The following MARK3 variants were observed in gnomAD, a reference collection of about 807,000 sequenced individuals.
MARK3 encodes the protein microtubule affinity regulating kinase 3, also known as MAP/microtubule affinity-regulating kinase 3.
A neutral mutation model predicts 90.1 loss-of-function variants in MARK3; 46 were observed. That is an observed-to-expected ratio of 0.51 (90% CI 0.40 to 0.65). The LOEUF is 0.65. Ranked by LOEUF, MARK3 falls within the 30% of genes least tolerant of loss-of-function variation. The pLI is 0.00. For synonymous variants in MARK3, 321 were observed against 332.6 expected, an observed-to-expected ratio of 0.97 and a Z score of 0.38; for missense variants, 818 against 947.2, an observed-to-expected ratio of 0.86 and a Z score of 1.79.
intron 1 of MARK3, among the ~76,000 whole-genome samples, chr14:103,391,771 T>C (rs2090269361): frequency 6.9e-6 from 1 of 145,656 alleles, no homozygotes; most frequent in Non-Finnish European, 1.5e-5. Flanking sequence ...TTGGCCAGGC[T>C]GTTCTCAAAC....
chr14:103,473,413 CTTAAAAG>C (rs2093663438), intron 12 of MARK3, among the ~76,000 whole-genome samples: 2 of 152,294 alleles, frequency 1.3e-5, no homozygotes, highest in Admixed American at 1.3e-4. Flanking sequence ...AATCTCAAAT[CTTAAAAG>C]GTTTTGTATT....
intron 3 of MARK3, among the ~76,000 whole-genome samples, chr14:103,434,586 C>T (rs535445979): frequency 1.3e-5 from 2 of 152,324 alleles, no homozygotes; most frequent in South Asian, 2.1e-4. Context: ...TTGAATGTCT[C>T]TGGTTGTGGC....
In MARK3 at chr14:103,503,030, G is replaced by A. The variant is rs771652517; in HGVS notation, c.2065G>A (p.Asp689Asn). Residue 689 changes from aspartate (D) to asparagine (N), a missense_variant, in exon 18 of 18, where the codon GAC becomes AAC. By Grantham distance (23) the Asp-to-Asn change is conservative (BLOSUM62 1). Coordinates refer to ENST00000429436, the MANE Select transcript of MARK3 (RefSeq NM_001128918.3). ...IRKVLDANNC[D>N]YEQRERFLLF... ...CAAAGTGTTGGACGCCAATAACTGCGACTATGAGCAGAGGGAGCGCTTCTT... is the reference window on the plus strand; with the variant it reads ...CAAAGTGTTGGACGCCAATAACTGCAACTATGAGCAGAGGGAGCGCTTCTT... The A allele has an allele frequency of 4.8e-5, 77 of 1,614,234 alleles. No individual in the cohort carries two copies. In the East Asian group the frequency reaches 8.7e-4, roughly 18 times the overall value.
chr14:103,462,840 A>G (rs1202933420), intron 7 of MARK3, among the ~76,000 whole-genome samples: 2 of 152,106 alleles, frequency 1.3e-5, no homozygotes, highest in Non-Finnish European at 2.9e-5. Context: ...GACCTCTTTC[A>G]AGGTCCTCAG....
chr14:103,439,352 T>C (rs140227607), intron 3 of MARK3, among the ~76,000 whole-genome samples: 1 of 152,334 alleles, frequency 6.6e-6, no homozygotes, highest in East Asian at 1.9e-4. Flanking sequence ...TTACCACATA[T>C]GGATCACTCA....
chr14:103,500,079 T>TACC, intron 16 of MARK3, 77 bp from the exon 17 acceptor site: 5 of 1,088,922 alleles, frequency 4.6e-6, no homozygotes, highest in African/African-American at 1.5e-5. Flanking sequence ...GGTGTTGGTA[T>TACC]TGGTGGTCAT....
At chr14:103,412,238 A>C in intron 2 of MARK3, 1 of 777,112 alleles carries the variant, frequency 1.3e-6, no homozygotes, top group African/African-American at 1.7e-5. Flanking sequence ...GTTATGCACA[A>C]GCTCATCGTC....
intron 7 of MARK3, among the ~76,000 whole-genome samples, chr14:103,463,513 A>G (rs1458735593): frequency 6.6e-6 from 1 of 152,146 alleles, no homozygotes; most frequent in Non-Finnish European, 1.5e-5. Flanking sequence ...TTCACTTCTC[A>G]TTCAGGTGTC....
intron 14 of MARK3, among the ~76,000 whole-genome samples, chr14:103,488,689 T>A (rs2093971484): frequency 6.6e-6 from 1 of 151,982 alleles, no homozygotes; most frequent in Non-Finnish European, 1.5e-5. Flanking sequence ...ACACCATCTC[T>A]ACAAAAAATT....
chr14:103,388,848 T>C (rs370334684), intron 1 of MARK3, among the ~76,000 whole-genome samples: 8 of 152,292 alleles, frequency 5.3e-5, no homozygotes, highest in South Asian at 2.1e-4. Flanking sequence ...GTATCAGTAG[T>C]TCATTCCTTT....
Position 103,494,389 on chromosome 14 carries a change from TAA to T in MARK3, c.1844+2359_1844+2360del, listed in dbSNP as rs111660936. Among the ~76,000 whole-genome samples the T allele has an allele frequency of 1.4e-3, 204 of 150,336 alleles. 1 individual carries two copies. The highest frequency in any genetic ancestry group is 4.8e-3 in the African/African-American group (195 of 40,848). On this transcript the variant is annotated intron_variant, in intron 15 of 17. Coordinates refer to ENST00000429436, the MANE Select transcript of MARK3 (RefSeq NM_001128918.3). ...CAACATGGAGAAACCCAGTCTCTAC[TAA>T]AAATACAAAATTAGCCGGGCATGGT...
At chr14:103,417,105 G>T (rs1276460738) in intron 2 of MARK3, among the ~76,000 whole-genome samples, 1 of 152,206 alleles carries the variant, frequency 6.6e-6, no homozygotes, top group African/African-American at 2.4e-5. Flanking sequence ...CTACTCTCCA[G>T]CCACATTCAG....
In MARK3 at chr14:103,458,488, G is replaced by A. The variant is rs1261570266; in HGVS notation, c.483+1276G>A. Among the ~76,000 whole-genome samples, 2 of 130,098 alleles carry A rather than the reference G, an allele frequency of 1.5e-5. 1 individual carries two copies. The highest frequency in any genetic ancestry group is 5.5e-5 in the African/African-American group (2 of 36,538). The allele number at this position is 130,098 out of a possible 152,430, so 85.3% of individuals were successfully genotyped here. ...AAAAAAAAAAAAAGAAGCAGCAGCT[G>A]TAGACAATACCAAATGAATGAACGT... On this transcript the variant is annotated intron_variant, in intron 6 of 17. Coordinates refer to ENST00000429436, the MANE Select transcript of MARK3 (RefSeq NM_001128918.3).
chr14:103,399,438 G>A (rs543871828), intron 1 of MARK3, among the ~76,000 whole-genome samples: 39 of 152,212 alleles, frequency 2.6e-4, no homozygotes, highest in Non-Finnish European at 4.1e-4. Flanking sequence ...GGTAGGGTGC[G>A]GTGGCTCACA....
chr14:103,435,034 C>T (rs755680742), intron 3 of MARK3, among the ~76,000 whole-genome samples: 11 of 152,154 alleles, frequency 7.2e-5, no homozygotes, highest in South Asian at 2.1e-4. Context: ...CCTTTTTTGG[C>T]GTCCTAGGGA....
intron 3 of MARK3, among the ~76,000 whole-genome samples, chr14:103,430,937 C>T (rs772493966): frequency 2.2e-4 from 33 of 151,960 alleles, no homozygotes; most frequent in Non-Finnish European, 3.2e-4. Flanking sequence ...TGGGCTTAAG[C>T]AGTCCTTCCA....
intron 1 of MARK3, among the ~76,000 whole-genome samples, chr14:103,399,519 A>C (rs2090806037): frequency 6.6e-6 from 1 of 151,938 alleles, no homozygotes. Flanking sequence ...ACCACGGTGA[A>C]ACCTCGTCTC....
intron 1 of MARK3, among the ~76,000 whole-genome samples, 192 bp from the exon 2 acceptor site, chr14:103,404,884 A>G (rs1595493683): frequency 6.6e-6 from 1 of 152,154 alleles, no homozygotes. Context: ...GAACTTCAAC[A>G]CTTCGTATTT....
chr14:103,466,223 A>G, intron 9 of MARK3, 120 bp from the exon 10 acceptor site: 1 of 1,355,958 alleles, frequency 7.4e-7, no homozygotes, highest in South Asian at 1.4e-5. Context: ...ATTAAAAAAT[A>G]TTTTTTGAGT....
Sources: gnomAD v4.1 joint callset for allele counts (sites outside exome capture counted in the v4.1 genomes callset) on GRCh38, gnomAD v4.1.1 for gene constraint, MANE v1.5 for transcripts, NCBI Gene and HGNC (gene_info 2026-07-23, HGNC 2026-07-21) for gene names.